TUBB8B: variants seen among roughly 807,000 people sequenced by gnomAD.
The protein encoded by TUBB8B is HSA18p11 beta-tubulin 4Q pseudogene.
TUBB8B carries 26 observed loss-of-function variants against 31.9 expected under a neutral mutation model. That is an observed-to-expected ratio of 0.81 (90% CI 0.60 to 1.13). The LOEUF (loss-of-function observed/expected upper bound fraction) is 1.13. TUBB8B is among the 50% of genes most tolerant of loss of function. The probability of loss-of-function intolerance (pLI) is 0.00; values close to 1 mark genes in which losing one functional copy is unlikely to be tolerated. For missense variants in TUBB8B, 467 were observed against 586.7 expected (o/e 0.80, Z 2.11); for synonymous variants, 173 against 231.0 (o/e 0.75, Z 2.28).
At chr18:54,731 T>C in the TUBB8B span, among the ~76,000 whole-genome samples, 1 of 152,048 alleles carries the variant, frequency 6.6e-6, no homozygotes, top group Non-Finnish European at 1.5e-5. Context: ...TATAGCTGAA[T>C]AGTACTTCAT....
chr18:73,159 C>G, the TUBB8B span, among the ~76,000 whole-genome samples: 1 of 152,140 alleles, frequency 6.6e-6, no homozygotes, highest in South Asian at 2.1e-4. Flanking sequence ...CATTCGTAAC[C>G]GGCATCTTGG....
the TUBB8B span, among the ~76,000 whole-genome samples, chr18:65,458 C>G: frequency 6.6e-6 from 1 of 152,026 alleles, no homozygotes; most frequent in African/African-American, 2.4e-5. Flanking sequence ...ATCAAATAAA[C>G]AGAATAAAGA....
rs1181120796 is a variant in TUBB8B at position 49,221 on chromosome 18, G to A, written c.74C>T (p.Ser25Phe). 1.2e-5 allele frequency: 19 copies of A among 1,536,194 alleles called. 1 individual carries two copies. The highest frequency in any genetic ancestry group is 5.9e-5 in the Admixed American group (3 of 50,946). The change falls in exon 2 of 4, where the codon TCT (serine) becomes TTT (phenylalanine). Residue 25 changes from serine (S) to phenylalanine (F), a missense_variant. Ser to Phe is a radical substitution (Grantham distance 155). Coordinates refer to ENST00000308911, the MANE Select transcript of TUBB8B (RefSeq NM_001358689.2). ...QIGAKFWEVI[S>F]DEHAIDSAGT... ...AGCGGAGTCGATGGCATGTTCATCA[G>A]AGATCACCTCCCAGAACTGCAAGAG...
the TUBB8B span, among the ~76,000 whole-genome samples, chr18:63,529 G>A: frequency 1.3e-5 from 2 of 151,650 alleles, no homozygotes; most frequent in Admixed American, 6.6e-5. Flanking sequence ...GACTGCGCTG[G>A]TTCACACTTG....
chr18:63,215 G>A, the TUBB8B span, among the ~76,000 whole-genome samples: 1 of 151,694 alleles, frequency 6.6e-6, no homozygotes, highest in Admixed American at 6.6e-5. Context: ...TCTGGGCATT[G>A]AAGAGTTCAG....
chr18:62,968 A>T, the TUBB8B span, among the ~76,000 whole-genome samples: 1 of 151,680 alleles, frequency 6.6e-6, no homozygotes, highest in African/African-American at 2.4e-5. Flanking sequence ...TAACTTCAGA[A>T]TTTCTGCTTT....
chr18:71,213 A>G, the TUBB8B span, among the ~76,000 whole-genome samples: 7 of 149,550 alleles, frequency 4.7e-5, no homozygotes, highest in Admixed American at 1.3e-4. Context: ...CCTGGGTGAC[A>G]GAGCAAGACC....
At chr18:49,929 C>T (rs1906005939), upstream of TUBB8B, 5 of 478,160 alleles carry the variant, frequency 1.0e-5, no homozygotes, top group Non-Finnish European at 2.1e-5. Context: ...AGTGCCTTTG[C>T]ACCTGTCCTA....
chr18:55,966 G>A, the TUBB8B span, among the ~76,000 whole-genome samples: 1 of 151,720 alleles, frequency 6.6e-6, no homozygotes, highest in Non-Finnish European at 1.5e-5. Flanking sequence ...ATAGTTTGAG[G>A]TGTTAGGTTT....
chr18:72,177 CA>C, the TUBB8B span, among the ~76,000 whole-genome samples: 334 of 78,740 alleles, frequency 4.2e-3, no homozygotes, highest in Non-Finnish European at 6.7e-3. Context: ...GACTCCATCT[CA>C]AAAAAAAAAA....
chr18:51,901 G>C (rs1332044032), upstream of TUBB8B, among the ~76,000 whole-genome samples: 1 of 151,616 alleles, frequency 6.6e-6, no homozygotes, highest in African/African-American at 2.4e-5. Flanking sequence ...GTCTTTATTA[G>C]CAGCATGAGA....
In TUBB8B at chr18:49,492, G is replaced by A. The variant is rs561695039; in HGVS notation, c.57+9C>T. 5.5e-3 allele frequency: 5,274 copies of A among 952,348 alleles called. 121 individuals carry two copies. The highest frequency in any genetic ancestry group is 0.013 in the South Asian group (851 of 66,242). 59.0% of individuals were successfully genotyped at this position (952,348 alleles called of 1,614,324 possible). A position where few individuals can be genotyped will look rare whatever the true frequency, so the allele number is the denominator to read the frequency against. On this transcript the variant is annotated intron_variant, in intron 1 of 3. Transcript: ENST00000308911. ...CCCGGGCTGGGCCCTCAGAGCCCTG[G>A]CTGCCAACCTTGGCGCCGATCTGGT...
At chr18:67,787 C>G in the TUBB8B span, among the ~76,000 whole-genome samples, 3 of 151,944 alleles carry the variant, frequency 2.0e-5, no homozygotes, top group Admixed American at 6.6e-5. Context: ...GCTGTGACAC[C>G]CAGAAGACTG....
chr18:62,712 C>T, the TUBB8B span, among the ~76,000 whole-genome samples: 2 of 151,886 alleles, frequency 1.3e-5, no homozygotes, highest in South Asian at 4.1e-4. Context: ...TGAGCCACTG[C>T]ACTGGGCCAA....
At chr18:64,137 C>T in the TUBB8B span, among the ~76,000 whole-genome samples, 1 of 152,048 alleles carries the variant, frequency 6.6e-6, no homozygotes, top group African/African-American at 2.4e-5. Flanking sequence ...CCATCTAACC[C>T]TTCTCCATAA....
chr18:71,064 G>T, the TUBB8B span, among the ~76,000 whole-genome samples: 1 of 151,456 alleles, frequency 6.6e-6, no homozygotes, highest in South Asian at 2.1e-4. Flanking sequence ...CCTGAGCGAC[G>T]TAAAGATCCT....
rs546901649 is a variant in TUBB8B at position 49,601 on chromosome 18, G to A, written c.-44C>T. 6.4e-5 allele frequency: 49 copies of A among 768,044 alleles called. 2 individuals carry two copies. The highest frequency in any genetic ancestry group is 4.0e-4 in the South Asian group (26 of 64,584). The allele number at this position is 768,044 out of a possible 1,614,324, so 47.6% of individuals were successfully genotyped here. On this transcript the variant is annotated 5_prime_UTR_variant, in exon 1 of 4. Transcript: ENST00000308911. ...GCGGCAGCAGAAGCGCGAGAAGGAGGAGCAGACGCGCAGCGACCCAGCCCG... is the reference window on the plus strand; with the variant it reads ...GCGGCAGCAGAAGCGCGAGAAGGAGAAGCAGACGCGCAGCGACCCAGCCCG...
chr18:61,184 C>G, the TUBB8B span, among the ~76,000 whole-genome samples: 1 of 151,480 alleles, frequency 6.6e-6, no homozygotes, highest in South Asian at 2.1e-4. Context: ...GAATTGATCT[C>G]TTTATTATTA....
the TUBB8B span, among the ~76,000 whole-genome samples, chr18:61,174 G>T: frequency 6.6e-6 from 1 of 151,484 alleles, no homozygotes; most frequent in Non-Finnish European, 1.5e-5. Context: ...TCCTCTTGAA[G>T]AATTGATCTC....
Sources: gnomAD v4.1 joint callset for allele counts (sites outside exome capture counted in the v4.1 genomes callset) on GRCh38, gnomAD v4.1.1 for gene constraint, MANE v1.5 for transcripts, NCBI Gene and HGNC (gene_info 2026-07-23, HGNC 2026-07-21) for gene names.